The following CTNNA2 variants were observed in gnomAD, a reference collection of about 807,000 sequenced individuals.
CTNNA2 encodes the protein catenin alpha-2.
A neutral mutation model predicts 101.0 loss-of-function variants in CTNNA2; 42 were observed. The ratio of observed to expected loss-of-function variants is 0.42; its 90% confidence interval spans 0.32 to 0.54. The LOEUF (loss-of-function observed/expected upper bound fraction) is 0.54, where lower values mean the gene tolerates loss of function less well. Ranked by LOEUF, CTNNA2 falls within the 20% of genes least tolerant of loss-of-function variation. The pLI is 0.14. For missense variants in CTNNA2, 871 were observed against 1,223.1 expected, an observed-to-expected ratio of 0.71 and a Z score of 4.29; for synonymous variants, 450 against 456.4, an observed-to-expected ratio of 0.99 and a Z score of 0.18.
At chr2:80,640,353 G>C (rs1316805923) in intron 18 of CTNNA2, among the ~76,000 whole-genome samples, 1 of 152,142 alleles carries the variant, frequency 6.6e-6, no homozygotes, top group Non-Finnish European at 1.5e-5. Context: ...GCCTGCCATG[G>C]ACACTATGGA....
chr2:80,576,456 G>GT (rs1483275706), intron 13 of CTNNA2: 1 of 148,676 alleles, frequency 6.7e-6, no homozygotes, highest in Non-Finnish European at 1.5e-5. Context: ...TCCCCACAAA[G>GT]TGGCTTAAAA....
intron 7 of CTNNA2, among the ~76,000 whole-genome samples, chr2:80,355,476 G>T (rs1036546582): frequency 2.0e-5 from 3 of 152,092 alleles, no homozygotes; most frequent in Admixed American, 6.6e-5. Flanking sequence ...ATGCCAACTC[G>T]ACTCCCTTGG....
chr2:80,226,062 A>T (rs1278803019), intron 7 of CTNNA2, among the ~76,000 whole-genome samples: 1 of 152,204 alleles, frequency 6.6e-6, no homozygotes, highest in African/African-American at 2.4e-5. Context: ...CAAAAGTTTA[A>T]TAATCTTTTT....
At chr2:79,382,365 A>G (rs997843789) in intron 4 of CTNNA2, among the ~76,000 whole-genome samples, 19 of 152,016 alleles carry the variant, frequency 1.2e-4, no homozygotes, top group Non-Finnish European at 2.2e-4. Flanking sequence ...ATCTCTCATA[A>G]TAATTTTCTC....
At chr2:79,721,875 A>G (rs1192522614) in intron 2 of CTNNA2, among the ~76,000 whole-genome samples, 1 of 152,222 alleles carries the variant, frequency 6.6e-6, no homozygotes, top group African/African-American at 2.4e-5. Context: ...GTTTTTGAAA[A>G]TGTATTATGT....
At chr2:79,189,537 A>T (rs1041709125) in intron 1 of CTNNA2, among the ~76,000 whole-genome samples, 2 of 152,220 alleles carry the variant, frequency 1.3e-5, no homozygotes, top group African/African-American at 4.8e-5. Context: ...TCACCATGGT[A>T]TAATTCCGAT....
At chr2:79,511,076 G>A (rs1217422174), upstream of CTNNA2, among the ~76,000 whole-genome samples, 1 of 152,206 alleles carries the variant, frequency 6.6e-6, no homozygotes, top group Non-Finnish European at 1.5e-5. Context: ...CCTGACCAGA[G>A]TATGAAAAAG....
At chr2:79,439,507 C>T (rs568402240) in intron 4 of CTNNA2, among the ~76,000 whole-genome samples, 8 of 152,252 alleles carry the variant, frequency 5.3e-5, no homozygotes, top group African/African-American at 1.4e-4. Context: ...GGTGGTTGCA[C>T]ACTTCTGTAA....
intron 4 of CTNNA2, among the ~76,000 whole-genome samples, chr2:79,379,546 A>G (rs2104461845): frequency 6.6e-6 from 1 of 152,306 alleles, no homozygotes; most frequent in South Asian, 2.1e-4. Context: ...TCAGTAGCTA[A>G]CTAGTTACTA....
chr2:80,043,701 A>G (rs1219231674), intron 7 of CTNNA2, among the ~76,000 whole-genome samples: 2 of 152,236 alleles, frequency 1.3e-5, no homozygotes, highest in Non-Finnish European at 2.9e-5. Flanking sequence ...ATATGATGTC[A>G]TACAGTCTGT....
chr2:79,198,452 A>G (rs867779652), intron 2 of CTNNA2, among the ~76,000 whole-genome samples: 3 of 152,210 alleles, frequency 2.0e-5, no homozygotes, highest in Admixed American at 1.3e-4. Context: ...CTATTTCATA[A>G]ATGAAAATCA....
intron 7 of CTNNA2, among the ~76,000 whole-genome samples, chr2:79,945,849 G>A (rs528392034): frequency 6.6e-6 from 1 of 152,242 alleles, no homozygotes; most frequent in East Asian, 1.9e-4. Flanking sequence ...TCTATTAGGG[G>A]AGGCTCCCAA....
chr2:79,375,626 A>T (rs991623554), intron 4 of CTNNA2, among the ~76,000 whole-genome samples: 5 of 152,174 alleles, frequency 3.3e-5, no homozygotes, highest in Non-Finnish European at 7.3e-5. Flanking sequence ...AATACTCTAT[A>T]CTAGGGAAAA....
At chr2:79,903,271 A>G (rs1172287326) in intron 6 of CTNNA2, among the ~76,000 whole-genome samples, 3 of 152,042 alleles carry the variant, frequency 2.0e-5, no homozygotes, top group Non-Finnish European at 4.4e-5. Flanking sequence ...TTATCCATAT[A>G]GACACAATCC....
chr2:80,194,266 C>T (rs1029420236), intron 7 of CTNNA2, among the ~76,000 whole-genome samples: 1 of 152,170 alleles, frequency 6.6e-6, no homozygotes, highest in Non-Finnish European at 1.5e-5. Flanking sequence ...GAAATACTCC[C>T]TGCACATGCT....
intron 2 of CTNNA2, among the ~76,000 whole-genome samples, chr2:79,300,581 C>T (rs1676085249): frequency 6.6e-6 from 1 of 152,066 alleles, no homozygotes; most frequent in Non-Finnish European, 1.5e-5. Flanking sequence ...TTCTCCACCT[C>T]AATTGATGCA....
intron 1 of CTNNA2, among the ~76,000 whole-genome samples, chr2:79,601,538 A>G (rs1677553410): frequency 6.6e-6 from 1 of 152,210 alleles, no homozygotes; most frequent in South Asian, 2.1e-4. Flanking sequence ...GGTTGTGGGT[A>G]TCAGCTGTTA....
intron 7 of CTNNA2, among the ~76,000 whole-genome samples, chr2:80,101,872 T>C (rs759008007): frequency 6.6e-6 from 1 of 152,192 alleles, no homozygotes; most frequent in African/African-American, 2.4e-5. Context: ...CTTCACCAGG[T>C]TGGCAAGGGA....
At chr2:79,258,185 G>A (rs191213535) in intron 2 of CTNNA2, among the ~76,000 whole-genome samples, 2 of 152,196 alleles carry the variant, frequency 1.3e-5, no homozygotes, top group Non-Finnish European at 2.9e-5. Context: ...GGGGCAGGGG[G>A]TGGATAATTC....
Sources: allele counts gnomAD v4.1 joint callset (sites outside exome capture counted in the v4.1 genomes callset), GRCh38; gene constraint gnomAD v4.1.1; transcripts MANE v1.5; gene names NCBI Gene and HGNC (gene_info 2026-07-23, HGNC 2026-07-21).